Variants in DSCAM observed in about 807,000 individuals in gnomAD.
The protein encoded by DSCAM is DS cell adhesion molecule, also known as cell adhesion molecule DSCAM.
DSCAM carries 47 observed loss-of-function variants against 217.7 expected under a neutral mutation model. The observed-to-expected ratio is 0.22, with a 90% CI of 0.17 to 0.28. The LOEUF (loss-of-function observed/expected upper bound fraction) is 0.28. Ranked by LOEUF, DSCAM falls within the 10% of genes least tolerant of loss-of-function variation. The probability of loss-of-function intolerance (pLI) is 1.00; values close to 1 mark genes in which losing one functional copy is unlikely to be tolerated. For missense variants in DSCAM, 2,080 were observed against 2,618.3 expected, an observed-to-expected ratio of 0.79 and a Z score of 4.49; for synonymous variants, 1,056 against 1,015.3, an observed-to-expected ratio of 1.04 and a Z score of -0.76.
intron 11 of DSCAM, among the ~76,000 whole-genome samples, chr21:40,201,384 T>G (rs1358687601): frequency 2.0e-5 from 3 of 152,146 alleles, no homozygotes; most frequent in Non-Finnish European, 4.4e-5. Flanking sequence ...TTTCTTTTTT[T>G]TTTTCCATCT....
intron 26 of DSCAM, among the ~76,000 whole-genome samples, chr21:40,077,130 TGTC>T (rs1468728836): frequency 1.3e-5 from 2 of 152,046 alleles, no homozygotes; most frequent in African/African-American, 4.8e-5. Flanking sequence ...AGAGAAAAGT[TGTC>T]GTCTGGGAGG....
chr21:40,596,808 C>G (rs1437690955), intron 3 of DSCAM, among the ~76,000 whole-genome samples: 1 of 152,018 alleles, frequency 6.6e-6, no homozygotes, highest in Non-Finnish European at 1.5e-5. Context: ...AGTTTTATAG[C>G]TGAAAATCAC....
chr21:40,487,922 T>G (rs2076043859), intron 3 of DSCAM, among the ~76,000 whole-genome samples: 1 of 152,218 alleles, frequency 6.6e-6, no homozygotes, highest in African/African-American at 2.4e-5. Context: ...GTCAAATTTA[T>G]GTACATTCTG....
intron 6 of DSCAM, among the ~76,000 whole-genome samples, chr21:40,346,489 T>G (rs2074559281): frequency 1.3e-5 from 2 of 151,126 alleles, no homozygotes; most frequent in African/African-American, 4.8e-5. Context: ...TCAAAATCAT[T>G]TTATTATTTT....
In DSCAM at chr21:40,087,295, A is replaced by T. The variant is rs759995345; in HGVS notation, c.3851-8T>A. 13 of 1,608,166 alleles carry T rather than the reference A, an allele frequency of 8.1e-6. No homozygotes were observed. The South Asian group carries it at 1.3e-4, about 16-fold the overall frequency. The stretch of plus-strand genomic sequence containing the variant: ...TCAGGATTCGTGCAGGAGCTGAGGA[A>T]CCAAACAAAGTGGAATCCTGATTAC... On this transcript the variant is annotated splice_polypyrimidine_tract_variant and splice_region_variant and intron_variant, in intron 21 of 32. Coordinates refer to ENST00000400454, the MANE Select transcript of DSCAM (RefSeq NM_001389.5).
intron 1 of DSCAM, among the ~76,000 whole-genome samples, chr21:40,793,027 C>CCA (rs2123471323): frequency 6.6e-6 from 1 of 152,250 alleles, no homozygotes; most frequent in East Asian, 1.9e-4. Context: ...AATACATAGG[C>CCA]CACATAATTT....
intron 1 of DSCAM, among the ~76,000 whole-genome samples, chr21:40,796,170 G>A (rs2091689878): frequency 6.6e-6 from 1 of 152,118 alleles, no homozygotes; most frequent in South Asian, 2.1e-4. Context: ...GTCTATACAC[G>A]CTGTGTGCAG....
At position 40,550,250 on chromosome 21, in the gene DSCAM, C is replaced by G. The variant is rs115236520; in HGVS notation, c.508+142560G>C. On this transcript the variant is annotated intron_variant, in intron 3 of 32. Transcript: ENST00000400454. ...ACTCAAAAATATTTTACTAGTCGGG[C>G]GCAGTGGCTCATGCCTGTAATCCTA... Among the ~76,000 whole-genome samples the G allele has an allele frequency of 6.4e-3, 967 of 152,244 alleles. 18 individuals are homozygous for G. The highest frequency in any genetic ancestry group is 0.022 in the African/African-American group (921 of 41,558).
At chr21:40,829,167 C>T (rs965368144) in intron 1 of DSCAM, among the ~76,000 whole-genome samples, 3 of 152,286 alleles carry the variant, frequency 2.0e-5, no homozygotes, top group South Asian at 2.1e-4. Flanking sequence ...CAGGAGTGGA[C>T]GCTGATCACA....
At chr21:40,124,423 C>T (rs1439262649) in intron 19 of DSCAM, 95 bp from the exon 20 acceptor site, 2 of 1,507,354 alleles carry the variant, frequency 1.3e-6, no homozygotes, top group Admixed American at 1.8e-5. Flanking sequence ...ACTTACTGTT[C>T]AGCTCTTTCA....
intron 22 of DSCAM, 70 bp from the exon 23 acceptor site, chr21:40,085,835 A>C (rs2089525839): frequency 3.0e-6 from 4 of 1,329,614 alleles, no homozygotes; most frequent in African/African-American, 3.0e-5. Context: ...TTGGGGAAAA[A>C]CAGAAAGACT....
At position 40,802,853 on chromosome 21, in the gene DSCAM, T is replaced by C. The variant is rs566332762; in HGVS notation, c.43+43766A>G. ...GAACCATATTCCTTTTCTTTATAAA[T>C]TACACATTTCTAGAATTCTGTTACA... On this transcript the variant is annotated intron_variant, in intron 1 of 32. Transcript: ENST00000400454. 3.6e-4 allele frequency among the ~76,000 whole-genome samples: 55 copies of C among 152,224 alleles called. 1 individual carries two copies. The South Asian group carries it at 0.011, about 31-fold the overall frequency.
intron 3 of DSCAM, chr21:40,630,610 T>C (rs1349828366): frequency 2.6e-5 from 4 of 152,168 alleles, no homozygotes; most frequent in Non-Finnish European, 4.4e-5. Flanking sequence ...AAGTAATATA[T>C]TCTAAAAAAA....
chr21:40,549,388 G>A (rs988947774), intron 3 of DSCAM, among the ~76,000 whole-genome samples: 1 of 151,848 alleles, frequency 6.6e-6, no homozygotes, highest in East Asian at 1.9e-4. Context: ...CATTTACTTC[G>A]AGATAAAAAA....
At chr21:40,139,333 A>G (rs1423037945) in intron 18 of DSCAM, among the ~76,000 whole-genome samples, 1 of 151,964 alleles carries the variant, frequency 6.6e-6, no homozygotes, top group East Asian at 1.9e-4. Context: ...TTTTAGGGAG[A>G]CGTGAGACAT....
At chr21:40,242,349 C>T (rs2073165031) in intron 11 of DSCAM, among the ~76,000 whole-genome samples, 1 of 152,176 alleles carries the variant, frequency 6.6e-6, no homozygotes, top group African/African-American at 2.4e-5. Context: ...TCTGCCTGGT[C>T]CCTTGTGGTT....
At chr21:40,343,890 C>A (rs567267141) in intron 6 of DSCAM, among the ~76,000 whole-genome samples, 3 of 144,122 alleles carry the variant, frequency 2.1e-5, no homozygotes, top group South Asian at 2.2e-4. Context: ...TATTTTATTT[C>A]ATTTTATTTA....
At chr21:40,201,191 T>C (rs1426291863) in intron 11 of DSCAM, among the ~76,000 whole-genome samples, 1 of 152,160 alleles carries the variant, frequency 6.6e-6, no homozygotes, top group Admixed American at 6.5e-5. Context: ...TATGACATGA[T>C]TGAATGTGTC....
intron 1 of DSCAM, among the ~76,000 whole-genome samples, chr21:40,823,179 A>C (rs2091943126): frequency 1.5e-5 from 2 of 130,366 alleles, no homozygotes; most frequent in African/African-American, 2.9e-5. Flanking sequence ...AAAAGAAAGA[A>C]TGCTTAATCT....
Sources: gnomAD v4.1 joint callset for allele counts (sites outside exome capture counted in the v4.1 genomes callset) on GRCh38, gnomAD v4.1.1 for gene constraint, MANE v1.5 for transcripts, NCBI Gene and HGNC (gene_info 2026-07-23, HGNC 2026-07-21) for gene names.